Variants in NOL11 observed in about 807,000 individuals in gnomAD.
NOL11 encodes nucleolar protein 11.
A neutral mutation model predicts 93.0 loss-of-function variants in NOL11; 42 were observed. That is an observed-to-expected ratio of 0.45 (90% CI 0.35 to 0.58). NOL11 has a LOEUF of 0.58. NOL11 is among the 20% of genes least tolerant of loss of function. The probability of loss-of-function intolerance (pLI) is 0.00; values close to 1 mark genes in which losing one functional copy is unlikely to be tolerated. For missense variants in NOL11, 775 were observed against 841.8 expected (o/e 0.92, Z 0.98); for synonymous variants, 296 against 293.7 (o/e 1.01, Z -0.08).
chr17:67,722,567 T>TC lies in NOL11; in HGVS notation c.462-12dup. On this transcript the variant is annotated splice_polypyrimidine_tract_variant and intron_variant, in intron 4 of 17. Transcript: ENST00000253247. ...TTTGCATCCTATAATTTTTCTTTTT[T>TC]CTTTTTTTGTAGATGGACAAAGTTT... The TC allele has an allele frequency of 6.4e-7, 1 of 1,565,038 alleles. No individual in the cohort carries two copies. Among genetic ancestry groups the TC allele is most frequent in the Admixed American group, 2.1e-5 (1 of 46,678 alleles).
chr17:67,724,627 C>T (rs115308943), intron 6 of NOL11, among the ~76,000 whole-genome samples: 1 of 152,142 alleles, frequency 6.6e-6, no homozygotes, highest in African/African-American at 2.4e-5. Flanking sequence ...TCACCTCGTG[C>T]GGCCCATGCC....
intron 16 of NOL11, among the ~76,000 whole-genome samples, chr17:67,741,550 T>TTTTA (rs563786770): frequency 9.9e-4 from 150 of 151,896 alleles, no homozygotes; most frequent in African/African-American, 2.9e-3. Flanking sequence ...AGTGGTTATT[T>TTTTA]TTTATTTATT....
chr17:67,721,290 T>G lies in NOL11; in HGVS notation c.313-88T>G. On this transcript the variant is annotated intron_variant, in intron 3 of 17. Coordinates refer to ENST00000253247, the MANE Select transcript of NOL11 (RefSeq NM_015462.5). The stretch of plus-strand genomic sequence containing the variant: ...TTAATTCAAAATGAAAATAAAGCAG[T>G]CACTTAAAAAGAAGCCTTCTCTAAA... The G allele has an allele frequency of 5.3e-6, 4 of 750,914 alleles. No individual in the cohort carries two copies. In the South Asian group the frequency reaches 1.2e-4, roughly 22 times the overall value. 46.5% of individuals were successfully genotyped at this position (750,914 alleles called of 1,614,324 possible).
chr17:67,730,338 G>A (rs1376759110), intron 7 of NOL11, among the ~76,000 whole-genome samples: 4 of 152,128 alleles, frequency 2.6e-5, no homozygotes, highest in African/African-American at 7.2e-5. Flanking sequence ...TGGGCTCACT[G>A]CAAGCTCCGC....
intron 6 of NOL11, 49 bp from the exon 7 acceptor site, chr17:67,726,411 A>G (rs1480885231): frequency 6.9e-7 from 1 of 1,454,776 alleles, no homozygotes; most frequent in Non-Finnish European, 9.4e-7. Context: ...ACTGTAATAG[A>G]TATAGAAGTA....
rs2055281067 is a variant in NOL11 at position 67,744,227 on chromosome 17, CAG to C, written c.*371_*372del. 1 of 152,878 alleles carries C rather than the reference CAG, an allele frequency of 6.5e-6. No homozygotes were observed. The highest frequency in any genetic ancestry group is 1.5e-5 in the Non-Finnish European group (1 of 68,572). 9.5% of individuals were successfully genotyped at this position (152,878 alleles called of 1,614,324 possible). On this transcript the variant is annotated 3_prime_UTR_variant, in exon 18 of 18. Coordinates refer to ENST00000253247, the MANE Select transcript of NOL11 (RefSeq NM_015462.5). ...GATTCTAGGAAGAATGTAATTTTAT[CAG>C]AGTCAGAAGCTGCCCCTGCTCATTT...
At chr17:67,738,860 CAAAG>C (rs1376745812) in intron 14 of NOL11, 68 bp from the exon 15 acceptor site, 7 of 946,190 alleles carry the variant, frequency 7.4e-6, no homozygotes, top group African/African-American at 3.3e-5. Context: ...CTAACATTGA[CAAAG>C]GAAGTTACTC....
At chr17:67,721,580 T>G in intron 4 of NOL11, 54 bp downstream of exon 4, 1 of 1,480,224 alleles carries the variant, frequency 6.8e-7, no homozygotes, top group African/African-American at 1.4e-5. Context: ...CACTGAACAT[T>G]TTTTTGCCTT....
chr17:67,718,063 G>A lies in NOL11; in HGVS notation c.116G>A (p.Ser39Asn), dbSNP rs1266954949. 1.9e-6 allele frequency: 3 copies of A among 1,614,230 alleles called. No individual in the cohort carries two copies. The highest frequency in any genetic ancestry group is 1.6e-4 in the Middle Eastern group (1 of 6,062). The part of the protein sequence containing the change: ...DKTDQFLVTD[S>N]GRTVILYKVS... The stretch of plus-strand genomic sequence containing the variant: ...ACAGACCAGTTTCTAGTGACAGACA[G>A]CGGCAGGACAGTCATCCTCTATAAG... The change falls in exon 1 of 18, where the codon AGC becomes AAC. Residue 39 changes from serine (S) to asparagine (N), a missense_variant. Ser to Asn is a conservative substitution (Grantham distance 46). Around this residue, in one of 2 missense-constraint regions of NOL11, gnomAD observed 359 missense variants for 316.5 expected, o/e 1.13. Coordinates refer to ENST00000253247, the MANE Select transcript of NOL11 (RefSeq NM_015462.5).
chr17:67,719,681 A>G lies in NOL11; in HGVS notation c.149A>G (p.Asp50Gly). ...GRTVILYKVSDQKPLGSWSVK... is the reference protein window; with the variant it reads ...GRTVILYKVSGQKPLGSWSVK... ...TTATCTTAATTTCATTAGGTTTCTG[A>G]TCAGAAACCCTTGGGGAGCTGGTCA... Residue 50 changes from aspartate (D) to glycine (G), a missense_variant, in exon 2 of 18, where the codon GAT becomes GGT. Asp to Gly is a moderately conservative substitution (Grantham distance 94). Around this residue, in one of 2 missense-constraint regions of NOL11, gnomAD observed 359 missense variants for 316.5 expected, o/e 1.13. Transcript: ENST00000253247. 6.4e-7 allele frequency: 1 copy of G among 1,574,558 alleles called. No individual in the cohort carries two copies. Among genetic ancestry groups the G allele is most frequent in the Non-Finnish European group, 8.7e-7 (1 of 1,150,164 alleles).
intron 8 of NOL11, among the ~76,000 whole-genome samples, chr17:67,735,485 C>G (rs1387127005): frequency 6.7e-6 from 1 of 149,996 alleles, no homozygotes; most frequent in Non-Finnish European, 1.5e-5. Context: ...TTCCCTCAGG[C>G]TTTTTTTTCC....
chr17:67,736,971 C>T (rs1460848942), intron 10 of NOL11, 100 bp from the exon 11 acceptor site: 1 of 839,766 alleles, frequency 1.2e-6, no homozygotes, highest in Non-Finnish European at 2.0e-6. Context: ...TTGATGAGAG[C>T]AAAAGTGTGC....
intron 7 of NOL11, among the ~76,000 whole-genome samples, chr17:67,732,031 T>C (rs953802652): frequency 1.6e-4 from 24 of 152,246 alleles, no homozygotes; most frequent in African/African-American, 5.8e-4. Flanking sequence ...TTGATTGAGA[T>C]TGAACTGAGC....
At chr17:67,731,279 T>G (rs1359979129) in intron 7 of NOL11, among the ~76,000 whole-genome samples, 1 of 2,880 alleles carries the variant, frequency 3.5e-4, no homozygotes, top group Non-Finnish European at 9.3e-4. Flanking sequence ...TTTTTTTTTT[T>G]TTGAGACGGA....
intron 16 of NOL11, among the ~76,000 whole-genome samples, chr17:67,742,140 G>A (rs1732324918): frequency 6.6e-6 from 1 of 152,170 alleles, no homozygotes. Context: ...TTTTCAAAAT[G>A]CCAGACTTTC....
rs1196660102 is a variant in NOL11, at chr17:67,736,694, C to T, written c.1083C>T (p.Asn361=). The T allele has an allele frequency of 2.5e-6, 4 of 1,611,728 alleles. No individual in the cohort carries two copies. The highest frequency in any genetic ancestry group is 3.4e-6 in the Non-Finnish European group (4 of 1,178,590). Residue 361 remains asparagine, a synonymous_variant, in exon 10 of 18, where the codon AAC becomes AAT. Transcript: ENST00000253247. Reference sequence around the variant, plus strand: ...CTCATGTCGTGTCCCATTTTGTAAACTGGGAGACACCTCAAGGATGTGGAC... The same window carrying T: ...CTCATGTCGTGTCCCATTTTGTAAATTGGGAGACACCTCAAGGATGTGGAC... The part of the protein sequence containing the change: ...PGTHVVSHFV[N]WETPQGCGLG...
chr17:67,743,931 A>G lies in NOL11; in HGVS notation c.*72A>G. ...GAACTCTTGCTTCATCCAGGCAAGAACGGTGTTTTGTTTGCGACCATCTCA... is the reference window on the plus strand; with the variant it reads ...GAACTCTTGCTTCATCCAGGCAAGAGCGGTGTTTTGTTTGCGACCATCTCA... On this transcript the variant is annotated 3_prime_UTR_variant, in exon 18 of 18. Transcript: ENST00000253247. The G allele has an allele frequency of 1.3e-6, 1 of 797,840 alleles. No homozygotes were observed. The highest frequency in any genetic ancestry group is 2.0e-6 in the Non-Finnish European group (1 of 494,060). The allele number at this position is 797,840 out of a possible 1,614,324, so 49.4% of individuals were successfully genotyped here.
In NOL11 at chr17:67,736,744, CAAG is replaced by C. The variant is rs771542522; in HGVS notation, c.1139_1141del (p.Arg380del). ...CTTGGGTTCCAGAACTCAGAGCAGT[CAAG>C]AAGAATTGTAAGTTTCGTAGTTGAA... On this transcript the variant is annotated inframe_deletion, in exon 10 of 18. Coordinates refer to ENST00000253247, the MANE Select transcript of NOL11 (RefSeq NM_015462.5). 8.7e-6 allele frequency: 14 copies of C among 1,609,552 alleles called. No homozygotes were observed. The highest frequency in any genetic ancestry group is 1.2e-5 in the Non-Finnish European group (14 of 1,177,068).
At chr17:67,719,596 T>G (rs1746661140) in intron 1 of NOL11, 78 bp from the exon 2 acceptor site, 4 of 777,620 alleles carry the variant, frequency 5.1e-6, no homozygotes, top group Non-Finnish European at 8.4e-6. Context: ...AATGGTTTCT[T>G]TTATTGATTA....
Sources: allele counts gnomAD v4.1 joint callset (sites outside exome capture counted in the v4.1 genomes callset), GRCh38; gene constraint gnomAD v4.1.1; regional missense constraint gnomAD v4.1.1; transcripts MANE v1.5; gene names NCBI Gene and HGNC (gene_info 2026-07-23, HGNC 2026-07-21).